The following COL6A3 variants were observed in gnomAD, a reference collection of about 807,000 sequenced individuals.
COL6A3 encodes collagen type VI alpha 3 chain.
In COL6A3, 137 loss-of-function variants were observed where a neutral mutation model predicts 274.1. The observed-to-expected ratio is 0.50, with a 90% CI of 0.44 to 0.58. The LOEUF (loss-of-function observed/expected upper bound fraction) is 0.58, where lower values mean the gene tolerates loss of function less well. Ranked by LOEUF, COL6A3 falls within the 20% of genes least tolerant of loss-of-function variation. The probability of loss-of-function intolerance (pLI) is 0.00; values close to 1 mark genes in which losing one functional copy is unlikely to be tolerated. For missense variants in COL6A3, 3,950 were observed against 4,124.9 expected, an observed-to-expected ratio of 0.96 and a Z score of 1.16; for synonymous variants, 1,650 against 1,650.6, an observed-to-expected ratio of 1.00 and a Z score of 0.01.
Position 237,340,632 on chromosome 2 carries a change from C to T in COL6A3, c.8284G>A (p.Ala2762Thr). The change falls in exon 38 of 44, where the codon GCC (alanine) becomes ACC (threonine). Residue 2762 changes from alanine (A) to threonine (T), a missense_variant. Ala to Thr is a moderately conservative substitution (Grantham distance 58, BLOSUM62 0). Coordinates refer to ENST00000295550, the MANE Select transcript of COL6A3 (RefSeq NM_004369.4). ...ACGAAGAAGTAGCCCTTGCATTTGG[C>T]CTGCAGGATGACTCTCTGGGCCTCC... ...LEEAQRVILQ[A>T]KCKGYFFVVL... 1 of 1,614,200 alleles carries T rather than the reference C, an allele frequency of 6.2e-7. No homozygotes were observed. Among genetic ancestry groups the T allele is most frequent in the Non-Finnish European group, 8.5e-7 (1 of 1,180,034 alleles).
At chr2:237,349,892 A>G (rs948221406) in intron 28 of COL6A3, among the ~76,000 whole-genome samples, 2 of 152,194 alleles carry the variant, frequency 1.3e-5, no homozygotes, top group Non-Finnish European at 2.9e-5. Flanking sequence ...ATTAGCCTCT[A>G]CATTCTCTTG....
intron 42 of COL6A3, among the ~76,000 whole-genome samples, chr2:237,332,070 C>CAG (rs1700262837): frequency 2.8e-5 from 1 of 35,172 alleles, no homozygotes; most frequent in African/African-American, 6.9e-5. Context: ...TCTCTCTCTA[C>CAG]ATATATATAT....
chr2:237,342,887 G>A (rs1346051565), intron 36 of COL6A3: 1 of 152,426 alleles, frequency 6.6e-6, no homozygotes, highest in African/African-American at 2.4e-5. Context: ...ATCATCCTGT[G>A]TTCGGCAGAA....
Position 237,374,320 on chromosome 2 carries a change from A to T in COL6A3, c.3679+92T>A. 6.3e-7 allele frequency: 1 copy of T among 1,578,240 alleles called. No homozygotes were observed. The highest frequency in any genetic ancestry group is 8.6e-7 in the Non-Finnish European group (1 of 1,162,270). On this transcript the variant is annotated intron_variant, in intron 8 of 43. Transcript: ENST00000295550. The surrounding 1 kb of genome is among the most constrained non-coding windows in gnomAD (Gnocchi z 4.8). ...TAGTTTTCACTTCACATGGCAGGAA[A>T]AGCAAAATTGAGAACACCTTGTGGC...
intron 22 of COL6A3, 79 bp downstream of exon 22, chr2:237,357,738 T>C: frequency 1.4e-6 from 2 of 1,440,898 alleles, no homozygotes; most frequent in Admixed American, 3.3e-5. Flanking sequence ...TTGGCCTCTG[T>C]GGCTGCTGAT....
intron 5 of COL6A3, among the ~76,000 whole-genome samples, chr2:237,380,478 G>A (rs1453866677): frequency 6.6e-6 from 1 of 152,198 alleles, no homozygotes; most frequent in Admixed American, 6.5e-5. Flanking sequence ...TAAAAGCTGA[G>A]GACACTGTGC....
At chr2:237,399,212 A>G (rs554995507) in intron 1 of COL6A3, among the ~76,000 whole-genome samples, 2 of 152,298 alleles carry the variant, frequency 1.3e-5, no homozygotes, top group Admixed American at 1.3e-4. Context: ...GCTTTTTAGG[A>G]ATCAGAAAAG....
At position 237,341,015 on chromosome 2, in the gene COL6A3, T is replaced by A; in HGVS notation, c.7901A>T (p.Gln2634Leu). ...LDSAETTTLF[Q>L]FNEMKKYIAY... ...TATGTACTTCTTCATCTCATTGAAC[T>A]GGAACAGGGTGGTGGTCTCAGCGCT... Residue 2634 changes from glutamine to leucine, a missense_variant, in exon 38 of 44, where the codon CAG becomes CTG. This residue lies in a region of COL6A3 where 1,284 missense variants were observed against 1,349.7 expected (regional missense o/e 0.95). Coordinates refer to ENST00000295550, the MANE Select transcript of COL6A3 (RefSeq NM_004369.4). The A allele has an allele frequency of 6.2e-7, 1 of 1,614,206 alleles. No homozygotes were observed. The highest frequency in any genetic ancestry group is 8.5e-7 in the Non-Finnish European group (1 of 1,180,032).
rs11683438 is a variant in COL6A3, at chr2:237,336,280, C to T, written c.8820G>A (p.Thr2940=). The T allele has an allele frequency of 0.094, 152,276 of 1,614,054 alleles. 8,107 individuals carry two copies. The highest frequency in any genetic ancestry group is 0.11 in the Non-Finnish European group (126,935 of 1,179,994). ...VRPPVAVKPA[T]AAKPVAAKPA... ...GCTTTGCTGCTACAGGCTTCGCTGC[C>T]GTTGCTGGCTTCACCGCCACTGGGG... The change falls in exon 40 of 44, where the codon ACG becomes ACA. Residue 2940 remains threonine, a synonymous_variant. Transcript: ENST00000295550.
At chr2:237,388,383 C>T (rs1263895131) in intron 3 of COL6A3, among the ~76,000 whole-genome samples, 199 bp from the exon 4 acceptor site, 1 of 152,194 alleles carries the variant, frequency 6.6e-6, no homozygotes, top group Non-Finnish European at 1.5e-5. Context: ...TCTTAGAAAT[C>T]ATGGTGTAAA....
intron 1 of COL6A3, among the ~76,000 whole-genome samples, chr2:237,412,727 G>A (rs955082865): frequency 2.0e-5 from 3 of 152,180 alleles, no homozygotes; most frequent in Non-Finnish European, 4.4e-5. Flanking sequence ...GGGACCCTGG[G>A]GAGCTGGGGG....
intron 42 of COL6A3, among the ~76,000 whole-genome samples, chr2:237,331,977 A>G (rs1298149235): frequency 1.4e-5 from 2 of 146,926 alleles, no homozygotes; most frequent in African/African-American, 5.0e-5. Context: ...TCACAGGTAG[A>G]CAGGCGATCT....
intron 23 of COL6A3, chr2:237,357,040 T>C (rs1334343287): frequency 4.1e-6 from 2 of 487,170 alleles, no homozygotes; most frequent in Admixed American, 3.5e-5. Context: ...TCCATTTGGG[T>C]CTCTTAAATA....
At position 237,389,381 on chromosome 2, in the gene COL6A3, A is replaced by C. The variant is rs187149815; in HGVS notation, c.710-1197T>G. On this transcript the variant is annotated intron_variant, in intron 3 of 43. Coordinates refer to ENST00000295550, the MANE Select transcript of COL6A3 (RefSeq NM_004369.4). ...CAAGAAGAGATTATATGTGAGCTTG[A>C]GCTTATCTATTTATATTCTGGGATT... 1.1e-3 allele frequency among the ~76,000 whole-genome samples: 167 copies of C among 152,302 alleles called. 1 individual carries two copies. The highest frequency in any genetic ancestry group is 3.1e-3 in the South Asian group (15 of 4,822).
At position 237,364,297 on chromosome 2, in the gene COL6A3, C is replaced by T; in HGVS notation, c.5917+53G>A. ...GAGGTTTCTCTCCAGCAGAGCAGTA[C>T]ACCCCGCCTCACCAGGGTTTACTTC... is the stretch of plus-strand genomic sequence containing the variant. On this transcript the variant is annotated intron_variant, in intron 13 of 43. Transcript: ENST00000295550. This position sits in a 1 kb window ranked among gnomAD's most constrained non-coding sequence, Gnocchi z 4.6. 1.5e-6 allele frequency: 2 copies of T among 1,368,664 alleles called. No individual in the cohort carries two copies. The highest frequency in any genetic ancestry group is 1.2e-5 in the South Asian group (1 of 86,286). 84.8% of individuals were successfully genotyped at this position (1,368,664 alleles called of 1,614,324 possible). A position where few individuals can be genotyped will look rare whatever the true frequency, so the allele number is the denominator to read the frequency against.
Position 237,336,239 on chromosome 2 carries a change from G to A in COL6A3, c.8861C>T (p.Pro2954Leu), listed in dbSNP as rs766551222. ...TGGTTTTGCAGCAGCAGCAGCGGGGGGTCTTACAGCTGCTGGCTTTGCTGC... is the reference window on the plus strand; with the variant it reads ...TGGTTTTGCAGCAGCAGCAGCGGGGAGTCTTACAGCTGCTGGCTTTGCTGC... ...PVAAKPAAVR[P>L]PAAAAAKPVA... Residue 2954 changes from proline (P) to leucine (L), a missense_variant, in exon 40 of 44, where the codon CCC becomes CTC. Physicochemically the swap from Pro to Leu is moderately conservative, Grantham distance 98 (BLOSUM62 -3). Transcript: ENST00000295550. 6.8e-6 allele frequency: 11 copies of A among 1,613,902 alleles called. No homozygotes were observed. Among genetic ancestry groups the A allele is most frequent in the Non-Finnish European group, 9.3e-6 (11 of 1,179,972 alleles).
intron 3 of COL6A3, among the ~76,000 whole-genome samples, chr2:237,393,055 A>T (rs1325581859): frequency 6.6e-6 from 1 of 151,994 alleles, no homozygotes; most frequent in Non-Finnish European, 1.5e-5. Context: ...AGCTCTCATT[A>T]GCTCCCCATG....
At chr2:237,339,754 G>T (rs1297919796) in intron 38 of COL6A3, among the ~76,000 whole-genome samples, 1 of 152,100 alleles carries the variant, frequency 6.6e-6, no homozygotes, top group Non-Finnish European at 1.5e-5. Flanking sequence ...CACAGGCTCT[G>T]GAAACTATAA....
Position 237,365,876 on chromosome 2 carries a change from A to T in COL6A3, c.5660T>A (p.Val1887Glu). The change falls in exon 12 of 44, where the codon GTG (valine) becomes GAG (glutamate). Residue 1887 changes from valine (V) to glutamate (E), a missense_variant. Transcript: ENST00000295550. Reference sequence around the variant, plus strand: ...CGAGGGCGTGTTGGCCACCACTGACACACGCACGGTGGGCGAGCGGCCACC... The same window carrying T: ...CGAGGGCGTGTTGGCCACCACTGACTCACGCACGGTGGGCGAGCGGCCACC... ...CSGGRSPTVR[V>E]SVVANTPSGP... is the part of the protein sequence containing the mutation. The T allele has an allele frequency of 6.2e-7, 1 of 1,614,192 alleles. No homozygotes were observed.
Sources: gnomAD v4.1 joint callset for allele counts (sites outside exome capture counted in the v4.1 genomes callset) on GRCh38, gnomAD v4.1.1 for gene constraint, gnomAD v4.1.1 regional missense constraint, Gnocchi (gnomAD v3.1) non-coding constraint, MANE v1.5 for transcripts, NCBI Gene and HGNC (gene_info 2026-07-23, HGNC 2026-07-21) for gene names.